The following MACROD2 variants were observed in gnomAD, a reference collection of about 807,000 sequenced individuals.
MACROD2 encodes ADP-ribose glycohydrolase MACROD2.
A neutral mutation model predicts 70.4 loss-of-function variants in MACROD2; 36 were observed. That is an observed-to-expected ratio of 0.51 (90% CI 0.39 to 0.68). The LOEUF is 0.68. Among genes scored for constraint, MACROD2 ranks in the 30% least tolerant of loss-of-function variants. The pLI, the probability that MACROD2 is intolerant of heterozygous loss-of-function variation, is 0.00. For synonymous variants in MACROD2, 172 were observed against 178.8 expected (o/e 0.96, Z 0.30); for missense variants, 496 against 538.4 (o/e 0.92, Z 0.78).
chr20:15,670,580 T>A (rs2049966550), intron 8 of MACROD2, among the ~76,000 whole-genome samples: 1 of 152,208 alleles, frequency 6.6e-6, no homozygotes, highest in Admixed American at 6.5e-5. Flanking sequence ...ATGTCCCAAA[T>A]ACATCTGAGA....
At chr20:15,696,919 G>A (rs2050385077) in intron 8 of MACROD2, among the ~76,000 whole-genome samples, 1 of 151,742 alleles carries the variant, frequency 6.6e-6, no homozygotes, top group African/African-American at 2.4e-5. Flanking sequence ...TCATTTGTTG[G>A]TAAGGTTATT....
At chr20:14,202,188 T>G (rs575699764) in intron 3 of MACROD2, among the ~76,000 whole-genome samples, 1 of 152,184 alleles carries the variant, frequency 6.6e-6, no homozygotes, top group African/African-American at 2.4e-5. Context: ...GATATAATGA[T>G]TTGGCAGTGT....
chr20:15,930,447 T>G (rs2065557634), intron 10 of MACROD2, among the ~76,000 whole-genome samples: 1 of 152,200 alleles, frequency 6.6e-6, no homozygotes, highest in African/African-American at 2.4e-5. Flanking sequence ...AGAATGCATA[T>G]GCTGGGCTTG....
At chr20:15,519,468 CT>C (rs1199755944) in intron 8 of MACROD2, among the ~76,000 whole-genome samples, 1 of 152,098 alleles carries the variant, frequency 6.6e-6, no homozygotes, top group Non-Finnish European at 1.5e-5. Context: ...GGCAGATAGT[CT>C]TGTTTGAAAT....
In MACROD2 at chr20:14,720,367, G is replaced by C. The variant is rs78938122; in HGVS notation, c.418+35408G>C. 6.1e-3 allele frequency among the ~76,000 whole-genome samples: 929 copies of C among 152,044 alleles called. 11 individuals are homozygous for C. Among genetic ancestry groups the C allele is most frequent in the African/African-American group, 0.021 (885 of 41,472 alleles). On this transcript the variant is annotated intron_variant, in intron 5 of 17. Coordinates refer to ENST00000684519, the MANE Select transcript of MACROD2 (RefSeq NM_001351661.2). ...TCTTCTGAAGTCCCTGACGTAGTTG[G>C]TTTGGAAAAGGTCTCCAACCAACCA...
rs75447107 is a variant in MACROD2, at chr20:15,312,680, G to A, written c.540+82619G>A. On this transcript the variant is annotated intron_variant, in intron 6 of 17. Coordinates refer to ENST00000684519, the MANE Select transcript of MACROD2 (RefSeq NM_001351661.2). ...TGTTTATATAAAAACATAGCTGTAA[G>A]GATAGACAAGAAAGTAGGAACAGCA... Among the ~76,000 whole-genome samples, 564 of 152,232 alleles carry A rather than the reference G, an allele frequency of 3.7e-3. 2 individuals carry two copies. Among genetic ancestry groups the A allele is most frequent in the African/African-American group, 0.012 (514 of 41,554 alleles).
intron 5 of MACROD2, among the ~76,000 whole-genome samples, chr20:14,975,634 G>T (rs544698612): frequency 6.6e-6 from 1 of 152,206 alleles, no homozygotes; most frequent in South Asian, 2.1e-4. Flanking sequence ...TGATGGCCTT[G>T]TTCTGGGGCT....
At chr20:15,961,592 G>A (rs1194529483) in intron 12 of MACROD2, among the ~76,000 whole-genome samples, 7 of 152,136 alleles carry the variant, frequency 4.6e-5, no homozygotes, top group South Asian at 2.1e-4. Flanking sequence ...GCAGTGACCC[G>A]ATGCCAGGCT....
At chr20:14,137,318 A>T (rs574208222) in intron 3 of MACROD2, among the ~76,000 whole-genome samples, 13 of 152,352 alleles carry the variant, frequency 8.5e-5, no homozygotes, top group African/African-American at 3.1e-4. Flanking sequence ...AGTCATAAGG[A>T]CTTATAAGGA....
intron 5 of MACROD2, among the ~76,000 whole-genome samples, chr20:14,718,884 CA>C: frequency 6.6e-6 from 1 of 152,146 alleles, no homozygotes; most frequent in Non-Finnish European, 1.5e-5. Context: ...CAAATATAAA[CA>C]AAGAAGAAAA....
intron 6 of MACROD2, among the ~76,000 whole-genome samples, chr20:15,402,459 C>T (rs2045943201): frequency 6.6e-6 from 1 of 152,110 alleles, no homozygotes; most frequent in Admixed American, 6.5e-5. Flanking sequence ...TCTACTAATG[C>T]TCTGGGAATG....
At chr20:15,210,485 TCTA>T (rs767666500) in intron 5 of MACROD2, among the ~76,000 whole-genome samples, 5 of 152,026 alleles carry the variant, frequency 3.3e-5, no homozygotes, top group Non-Finnish European at 5.9e-5. Context: ...CCATCCACCA[TCTA>T]CTAACTGTCA....
chr20:15,995,135 T>A (rs890456108), intron 15 of MACROD2, among the ~76,000 whole-genome samples: 16 of 152,206 alleles, frequency 1.1e-4, no homozygotes, highest in Non-Finnish European at 1.9e-4. Flanking sequence ...TACTAGCACA[T>A]CAGTGCACCC....
intron 5 of MACROD2, among the ~76,000 whole-genome samples, chr20:14,874,938 C>G (rs944060168): frequency 6.6e-6 from 1 of 151,796 alleles, no homozygotes; most frequent in Non-Finnish European, 1.5e-5. Context: ...CTCCTGGCCT[C>G]ATATGATCTG....
chr20:14,527,002 C>T (rs543109736), intron 4 of MACROD2, among the ~76,000 whole-genome samples: 54 of 152,310 alleles, frequency 3.5e-4, no homozygotes, highest in African/African-American at 1.3e-3. Context: ...AGAATGAGTG[C>T]AAGGTTTTAT....
chr20:14,809,907 T>C (rs550816116), intron 5 of MACROD2, among the ~76,000 whole-genome samples: 1 of 152,058 alleles, frequency 6.6e-6, no homozygotes, highest in South Asian at 2.1e-4. Flanking sequence ...AATCCCTGAA[T>C]AGACCAATAT....
At chr20:14,676,015 G>T (rs996537680) in intron 4 of MACROD2, among the ~76,000 whole-genome samples, 1 of 152,090 alleles carries the variant, frequency 6.6e-6, no homozygotes, top group Non-Finnish European at 1.5e-5. Context: ...AAATATATAT[G>T]CACCCAATAC....
At chr20:15,463,159 T>C (rs1023784852) in intron 7 of MACROD2, among the ~76,000 whole-genome samples, 2 of 152,170 alleles carry the variant, frequency 1.3e-5, no homozygotes, top group Non-Finnish European at 2.9e-5. Context: ...TTGGGAAGCT[T>C]TGGCATAACT....
At chr20:15,922,713 C>G (rs1022121796) in intron 10 of MACROD2, among the ~76,000 whole-genome samples, 2 of 152,220 alleles carry the variant, frequency 1.3e-5, no homozygotes, top group African/African-American at 4.8e-5. Flanking sequence ...TCCCTGCTTC[C>G]TCCAGCACAA....
Sources: gnomAD v4.1 joint callset for allele counts (sites outside exome capture counted in the v4.1 genomes callset) on GRCh38, gnomAD v4.1.1 for gene constraint, MANE v1.5 for transcripts, NCBI Gene and HGNC (gene_info 2026-07-23, HGNC 2026-07-21) for gene names.